Variants in FRMPD1 observed in about 807,000 individuals in gnomAD.
FRMPD1 encodes FERM and PDZ domain containing 1.
A neutral mutation model predicts 117.8 loss-of-function variants in FRMPD1; 76 were observed. The observed-to-expected ratio is 0.65, with a 90% CI of 0.54 to 0.78. The LOEUF is 0.78. Among genes scored for constraint, FRMPD1 ranks in the 30% least tolerant of loss-of-function variants. FRMPD1 has a pLI of 0.00. For synonymous variants in FRMPD1, 783 were observed against 770.4 expected (o/e 1.02, Z -0.27); for missense variants, 1,786 against 1,964.5 (o/e 0.91, Z 1.72).
At chr9:37,696,012 T>C (rs1295004435) in intron 2 of FRMPD1, among the ~76,000 whole-genome samples, 2 of 150,076 alleles carry the variant, frequency 1.3e-5, no homozygotes, top group Non-Finnish European at 3.0e-5. Flanking sequence ...CCTCACCTTG[T>C]TCCTCTTCTT....
chr9:37,616,119 T>A, the FRMPD1 span, among the ~76,000 whole-genome samples: 1 of 78,338 alleles, frequency 1.3e-5, no homozygotes, highest in Non-Finnish European at 2.6e-5. Context: ...GCCCAGCCCT[T>A]TTTTTTTTTT....
the FRMPD1 span, chr9:37,637,144 G>A: frequency 6.2e-7 from 1 of 1,608,770 alleles, no homozygotes; most frequent in Non-Finnish European, 8.5e-7. Context: ...CATCCAGCTC[G>A]ATGGTTTGGA....
At chr9:37,664,018 C>T (rs1821077832) in intron 1 of FRMPD1, among the ~76,000 whole-genome samples, 1 of 152,136 alleles carries the variant, frequency 6.6e-6, no homozygotes, top group African/African-American at 2.4e-5. Context: ...AGGGCTGACT[C>T]TACTTCTGTT....
intron 1 of FRMPD1, among the ~76,000 whole-genome samples, chr9:37,686,270 G>A (rs1821938849): frequency 6.6e-6 from 1 of 152,220 alleles, no homozygotes; most frequent in Non-Finnish European, 1.5e-5. Context: ...GGTGGTGGTA[G>A]GAGTGGCCAG....
upstream of FRMPD1, among the ~76,000 whole-genome samples, chr9:37,647,497 C>T (rs187909659): frequency 1.4e-5 from 2 of 138,416 alleles, no homozygotes; most frequent in Non-Finnish European, 3.0e-5. Context: ...GGGCGAAGAG[C>T]GAGACTCCGT....
At chr9:37,695,176 A>G (rs1440894545) in intron 2 of FRMPD1, among the ~76,000 whole-genome samples, 1 of 152,196 alleles carries the variant, frequency 6.6e-6, no homozygotes, top group Non-Finnish European at 1.5e-5. Context: ...TATACTTAGG[A>G]GTGGAATAGT....
intron 6 of FRMPD1, among the ~76,000 whole-genome samples, chr9:37,723,823 T>C (rs1057218230): frequency 5.3e-5 from 8 of 151,322 alleles, no homozygotes; most frequent in African/African-American, 1.9e-4. Flanking sequence ...TGAAACCCCA[T>C]CTCTACTAAA....
the FRMPD1 span, among the ~76,000 whole-genome samples, chr9:37,638,328 C>A: frequency 2.0e-5 from 3 of 152,084 alleles, no homozygotes; most frequent in Non-Finnish European, 4.4e-5. Flanking sequence ...CCGCTTCGGC[C>A]TTCCAAAGTG....
intron 14 of FRMPD1, among the ~76,000 whole-genome samples, chr9:37,738,648 T>G (rs1484806314): frequency 6.6e-6 from 1 of 152,146 alleles, no homozygotes; most frequent in Non-Finnish European, 1.5e-5. Flanking sequence ...CTGTTACCTT[T>G]GTTGTTACAC....
At chr9:37,630,975 T>C in the FRMPD1 span, among the ~76,000 whole-genome samples, 1 of 152,230 alleles carries the variant, frequency 6.6e-6, no homozygotes, top group South Asian at 2.1e-4. Flanking sequence ...GCACACATTC[T>C]AGTGACACAA....
chr9:37,746,257 A>C lies in FRMPD1; in HGVS notation c.4225A>C (p.Arg1409=). Residue 1409 remains arginine, a synonymous_variant, in exon 16 of 16, where the codon AGA becomes CGA. Transcript: ENST00000377765. ...IWPEYCSRAL[R]QLKATPASTP... Reference sequence around the variant, plus strand: ...GCCAGAGTACTGCTCCAGGGCACTGAGACAGCTGAAAGCCACCCCTGCCAG... The same window carrying C: ...GCCAGAGTACTGCTCCAGGGCACTGCGACAGCTGAAAGCCACCCCTGCCAG... 6.2e-7 allele frequency: 1 copy of C among 1,612,894 alleles called. No homozygotes were observed. Among genetic ancestry groups the C allele is most frequent in the South Asian group, 1.1e-5 (1 of 91,074 alleles).
upstream of FRMPD1, among the ~76,000 whole-genome samples, chr9:37,647,461 G>A (rs1239791701): frequency 6.7e-6 from 1 of 149,152 alleles, no homozygotes; most frequent in Non-Finnish European, 1.5e-5. Context: ...GCAGTGAGCC[G>A]AGATCGCGCC....
In FRMPD1 at chr9:37,746,454, G is replaced by A; in HGVS notation, c.4422G>A (p.Arg1474=). 1 of 1,613,670 alleles carries A rather than the reference G, an allele frequency of 6.2e-7. No individual in the cohort carries two copies. The highest frequency in any genetic ancestry group is 1.7e-4 in the Middle Eastern group (1 of 6,060). The part of the protein sequence containing the change: ...MGSQKLLSSC[R]HVIRMDQSPE... The stretch of plus-strand genomic sequence containing the variant: ...CCCAGAAGCTCCTGTCGAGCTGTCG[G>A]CATGTGATCAGAATGGACCAGTCCC... Residue 1474 remains arginine, a synonymous_variant, in exon 16 of 16, where the codon CGG becomes CGA. Coordinates refer to ENST00000377765, the MANE Select transcript of FRMPD1 (RefSeq NM_014907.3).
chr9:37,657,281 A>G (rs1430408574), intron 1 of FRMPD1, among the ~76,000 whole-genome samples: 1 of 152,246 alleles, frequency 6.6e-6, no homozygotes, highest in African/African-American at 2.4e-5. Flanking sequence ...CCCCTGTCTG[A>G]TGCTGACTTG....
rs375020833 is a variant in FRMPD1 at position 37,707,423 on chromosome 9, G to C, written c.109G>C (p.Val37Leu). 1 of 1,613,446 alleles carries C rather than the reference G, an allele frequency of 6.2e-7. No individual in the cohort carries two copies. The highest frequency in any genetic ancestry group is 1.7e-4 in the Middle Eastern group (1 of 6,056). Reference sequence around the variant, plus strand: ...ATACTCCTTCTCTTCCAGGGCTAAAGTTGCTGCAGCTGATGGGCCCGCCAG... The same window carrying C: ...ATACTCCTTCTCTTCCAGGGCTAAACTTGCTGCAGCTGATGGGCCCGCCAG... ...RSRDSSARAK[V>L]AAADGPARNP... Residue 37 changes from valine to leucine, a missense_variant, in exon 3 of 16, where the codon GTT becomes CTT. By Grantham distance (32) the Val-to-Leu change is conservative (BLOSUM62 1). Coordinates refer to ENST00000377765, the MANE Select transcript of FRMPD1 (RefSeq NM_014907.3).
At chr9:37,739,938 A>G (rs1254206634) in intron 14 of FRMPD1, 140 bp from the exon 15 acceptor site, 12 of 624,542 alleles carry the variant, frequency 1.9e-5, no homozygotes, top group Non-Finnish European at 3.4e-5. Flanking sequence ...CGTGTTCGTC[A>G]GTATAGGACG....
chr9:37,604,496 T>C, the FRMPD1 span, among the ~76,000 whole-genome samples: 5 of 152,218 alleles, frequency 3.3e-5, no homozygotes, highest in Admixed American at 6.5e-5. Flanking sequence ...TGGAAATATG[T>C]AGTCACAAGG....
the FRMPD1 span, among the ~76,000 whole-genome samples, chr9:37,628,014 T>A: frequency 6.6e-6 from 1 of 152,202 alleles, no homozygotes; most frequent in Admixed American, 6.5e-5. Flanking sequence ...TAACGGCACA[T>A]TTAAAAGCAG....
intron 14 of FRMPD1, among the ~76,000 whole-genome samples, chr9:37,739,148 T>A (rs1824267018): frequency 6.6e-6 from 1 of 152,068 alleles, no homozygotes; most frequent in Non-Finnish European, 1.5e-5. Flanking sequence ...GGTACTAGAC[T>A]GCAGAGGAGG....
Sources: gnomAD v4.1 joint callset for allele counts (sites outside exome capture counted in the v4.1 genomes callset) on GRCh38, gnomAD v4.1.1 for gene constraint, MANE v1.5 for transcripts, NCBI Gene and HGNC (gene_info 2026-07-23, HGNC 2026-07-21) for gene names.